EFL1: variants seen among roughly 807,000 people sequenced by gnomAD.
EFL1 encodes the protein elongation factor like GTPase 1.
Under a neutral mutation model 126.7 loss-of-function variants are expected in EFL1, and 76 were observed. That is an observed-to-expected ratio of 0.60 (90% CI 0.50 to 0.73). The LOEUF (loss-of-function observed/expected upper bound fraction) is 0.73, where lower values mean the gene tolerates loss of function less well. Ranked by LOEUF, EFL1 falls within the 30% of genes least tolerant of loss-of-function variation. The probability of loss-of-function intolerance (pLI) is 0.00; values close to 1 mark genes in which losing one functional copy is unlikely to be tolerated. For synonymous variants in EFL1, 410 were observed against 448.4 expected, an observed-to-expected ratio of 0.91 and a Z score of 1.08; for missense variants, 1,128 against 1,343.2, an observed-to-expected ratio of 0.84 and a Z score of 2.50.
At chr15:82,224,058 C>G (rs2074737947) in intron 12 of EFL1, among the ~76,000 whole-genome samples, 1 of 152,072 alleles carries the variant, frequency 6.6e-6, no homozygotes, top group African/African-American at 2.4e-5. Context: ...AGGAACAGCA[C>G]AAGTACAGAT....
In EFL1 at chr15:82,262,611, C is replaced by T; in HGVS notation, c.-20+3G>A. The T allele has an allele frequency of 2.5e-6, 1 of 404,462 alleles. No homozygotes were observed. The highest frequency in any genetic ancestry group is 2.7e-5 in the South Asian group (1 of 37,580). The allele number at this position is 404,462 out of a possible 1,614,324, so 25.1% of individuals were successfully genotyped here. ...CCAGCCCCCAGCGCCAGCCCACACT[C>T]ACCGGCTGCAGCAGCCCCACCAGCC... On this transcript the variant is annotated splice_donor_region_variant and intron_variant, in intron 1 of 19. Transcript: ENST00000268206.
intron 15 of EFL1, among the ~76,000 whole-genome samples, chr15:82,209,051 A>C (rs1169435976): frequency 6.6e-6 from 1 of 152,164 alleles, no homozygotes; most frequent in Admixed American, 6.6e-5. Flanking sequence ...ATCAGTTGAA[A>C]CTCTTAAAAC....
chr15:82,246,623 C>T (rs1010323919), intron 4 of EFL1, among the ~76,000 whole-genome samples: 1 of 151,928 alleles, frequency 6.6e-6, no homozygotes, highest in Non-Finnish European at 1.5e-5. Context: ...CTGATGGATA[C>T]AAGCCAGTAC....
chr15:82,249,666 TCC>T lies in EFL1; in HGVS notation c.244+3023_244+3024del, dbSNP rs1351230743. ...GAGATGACAAGATAAATGTATGGTA[TCC>T]TTGTGGGTGGGACACAAAGAGAGGT... On this transcript the variant is annotated intron_variant, in intron 4 of 19. Transcript: ENST00000268206. 1.2e-4 allele frequency among the ~76,000 whole-genome samples: 19 copies of T among 152,126 alleles called. 1 individual carries two copies. Among genetic ancestry groups the T allele is most frequent in the Admixed American group, 7.9e-4 (12 of 15,282 alleles).
intron 2 of EFL1, among the ~76,000 whole-genome samples, chr15:82,260,375 T>C (rs2075102745): frequency 1.3e-5 from 2 of 152,224 alleles, no homozygotes; most frequent in South Asian, 2.1e-4. Flanking sequence ...AGTGATCCAC[T>C]ATCTGTCTTT....
In EFL1 at chr15:82,211,547, TATACACACACACACACAC is replaced by T. The variant is rs1237531455; in HGVS notation, c.1750+3152_1750+3169del. On this transcript the variant is annotated intron_variant, in intron 15 of 19. Transcript: ENST00000268206. The stretch of plus-strand genomic sequence containing the variant: ...TCTCAAAGAAAAAAAAAAAAATCTA[TATACACACACACACACAC>T]ACACACACACACACACTAGACACAT... Among the ~76,000 whole-genome samples the T allele has an allele frequency of 9.9e-5, 7 of 70,814 alleles. No homozygotes were observed. The East Asian group carries it at 2.0e-3, about 20-fold the overall frequency. 46.5% of individuals were successfully genotyped at this position (70,814 alleles called of 152,430 possible).
chr15:82,204,332 C>T (rs2074502122), intron 15 of EFL1, among the ~76,000 whole-genome samples: 1 of 152,040 alleles, frequency 6.6e-6, no homozygotes, highest in Admixed American at 6.6e-5. Context: ...TGAAAATCAC[C>T]TTTCCCCCAA....
intron 4 of EFL1, 145 bp from the exon 5 acceptor site, chr15:82,241,548 A>T (rs2074931507): frequency 1.0e-6 from 1 of 1,003,366 alleles, no homozygotes; most frequent in Non-Finnish European, 1.4e-6. Context: ...CAGAGCTACC[A>T]TTCCAACTTT....
chr15:82,223,172 T>C (rs2074729246), intron 12 of EFL1, among the ~76,000 whole-genome samples: 1 of 152,158 alleles, frequency 6.6e-6, no homozygotes, highest in African/African-American at 2.4e-5. Flanking sequence ...CTGCTATTCC[T>C]GGCTTGTATG....
At position 82,210,810 on chromosome 15, in the gene EFL1, T is replaced by A. The variant is rs377409401; in HGVS notation, c.1750+3907A>T. Among the ~76,000 whole-genome samples the A allele has an allele frequency of 8.6e-5, 12 of 139,854 alleles. 1 individual carries two copies. The East Asian group carries it at 2.5e-3, about 30-fold the overall frequency. 91.7% of individuals were successfully genotyped at this position (139,854 alleles called of 152,430 possible). A position where few individuals can be genotyped will look rare whatever the true frequency, so the allele number is the denominator to read the frequency against. On this transcript the variant is annotated intron_variant, in intron 15 of 19. Coordinates refer to ENST00000268206, the MANE Select transcript of EFL1 (RefSeq NM_024580.6). ...CCAGGAGACAGAGGTTTCAGTGAGC[T>A]AAGATTGCACCATTGCACTCCAGCC... is the stretch of plus-strand genomic sequence containing the variant.
chr15:82,194,234 A>G (rs941102881), intron 15 of EFL1, among the ~76,000 whole-genome samples: 9 of 152,160 alleles, frequency 5.9e-5, no homozygotes, highest in African/African-American at 2.2e-4. Flanking sequence ...TCTAGACTAG[A>G]CCAAATTTCG....
intron 19 of EFL1, among the ~76,000 whole-genome samples, chr15:82,132,326 G>A (rs891957375): frequency 5.9e-5 from 9 of 152,024 alleles, no homozygotes; most frequent in African/African-American, 2.2e-4. Context: ...AGCAGTTGCT[G>A]GGACACAATG....
At chr15:82,178,297 TCCA>T (rs2141256823) in intron 15 of EFL1, among the ~76,000 whole-genome samples, 1 of 152,302 alleles carries the variant, frequency 6.6e-6, no homozygotes, top group Admixed American at 6.5e-5. Context: ...TGGCTCTCTG[TCCA>T]CACCAGTTCA....
chr15:82,195,429 T>C (rs1447713790), intron 15 of EFL1, among the ~76,000 whole-genome samples: 1 of 152,230 alleles, frequency 6.6e-6, no homozygotes, highest in Non-Finnish European at 1.5e-5. Context: ...CCCAACCTCG[T>C]TGCCTACTCT....
At chr15:82,232,941 G>A (rs918127166) in intron 7 of EFL1, among the ~76,000 whole-genome samples, 1 of 151,840 alleles carries the variant, frequency 6.6e-6, no homozygotes, top group Admixed American at 6.6e-5. Flanking sequence ...TACCCAGACT[G>A]TATTATACAT....
intron 2 of EFL1, among the ~76,000 whole-genome samples, chr15:82,260,863 T>A (rs2075106822): frequency 6.6e-6 from 1 of 152,164 alleles, no homozygotes; most frequent in Non-Finnish European, 1.5e-5. Flanking sequence ...GGATGGTAAA[T>A]ATGTTTTATT....
At chr15:82,157,668 T>C in intron 17 of EFL1, 45 bp downstream of exon 17, 1 of 1,572,118 alleles carries the variant, frequency 6.4e-7, no homozygotes, top group East Asian at 2.3e-5. Context: ...AACATCCCAT[T>C]GATTGAGAGC....
chr15:82,211,593 T>TAC (rs1567064844), intron 15 of EFL1, among the ~76,000 whole-genome samples: 1 of 54,512 alleles, frequency 1.8e-5, no homozygotes, highest in African/African-American at 1.8e-4. Context: ...AGACACATAC[T>TAC]AGACACACAC....
chr15:82,238,086 C>T (rs549486930), intron 7 of EFL1, among the ~76,000 whole-genome samples: 8 of 152,210 alleles, frequency 5.3e-5, no homozygotes, highest in African/African-American at 1.2e-4. Flanking sequence ...TGTATATTGA[C>T]GGCAAATGGC....
Sources: gnomAD v4.1 joint callset for allele counts (sites outside exome capture counted in the v4.1 genomes callset) on GRCh38, gnomAD v4.1.1 for gene constraint, MANE v1.5 for transcripts, NCBI Gene and HGNC (gene_info 2026-07-23, HGNC 2026-07-21) for gene names.